FZD3: variants seen among roughly 807,000 people sequenced by gnomAD.
FZD3 encodes the protein frizzled-3.
A neutral mutation model predicts 60.7 loss-of-function variants in FZD3; 30 were observed. That is an observed-to-expected ratio of 0.49 (90% CI 0.37 to 0.67). FZD3 has a LOEUF of 0.67. Among genes scored for constraint, FZD3 ranks in the 30% least tolerant of loss-of-function variants. The pLI, the probability that FZD3 is intolerant of heterozygous loss-of-function variation, is 0.00. For synonymous variants in FZD3, 246 were observed against 275.2 expected, an observed-to-expected ratio of 0.89 and a Z score of 1.05; for missense variants, 605 against 838.7, an observed-to-expected ratio of 0.72 and a Z score of 3.44.
Position 28,557,241 on chromosome 8 carries a change from A to G in FZD3, c.1787+1270A>G, listed in dbSNP as rs116117119. On this transcript the variant is annotated intron_variant, in intron 7 of 7. Transcript: ENST00000240093. ...AAAAAAAAAAAGAAGAAGAAATGAT[A>G]GAGATTGGTAAGAAATTAATATTAG... is the stretch of plus-strand genomic sequence containing the variant. Among the ~76,000 whole-genome samples, 1,344 of 151,176 alleles carry G rather than the reference A, an allele frequency of 8.9e-3. 8 individuals are homozygous for G. The highest frequency in any genetic ancestry group is 0.019 in the African/African-American group (792 of 41,182).
At chr8:28,536,436 A>G (rs1352292310) in intron 5 of FZD3, among the ~76,000 whole-genome samples, 3 of 152,226 alleles carry the variant, frequency 2.0e-5, no homozygotes, top group Non-Finnish European at 4.4e-5. Context: ...GTCCGGGCGC[A>G]GTGGCTCATG....
chr8:28,530,921 T>G (rs963650144), intron 5 of FZD3, among the ~76,000 whole-genome samples: 7 of 152,344 alleles, frequency 4.6e-5, no homozygotes, highest in African/African-American at 1.7e-4. Flanking sequence ...AACTCTATTT[T>G]TTAAAATGTT....
chr8:28,512,524 A>C (rs1238430261), intron 3 of FZD3, among the ~76,000 whole-genome samples: 1 of 151,856 alleles, frequency 6.6e-6, no homozygotes. Flanking sequence ...TCTAGGGTAC[A>C]TGTGCATTTT....
intron 3 of FZD3, among the ~76,000 whole-genome samples, chr8:28,508,145 T>C (rs1300293401): frequency 6.6e-6 from 1 of 152,226 alleles, no homozygotes; most frequent in African/African-American, 2.4e-5. Flanking sequence ...TCCTCCTGCC[T>C]TGGCTTCCCA....
intron 5 of FZD3, among the ~76,000 whole-genome samples, chr8:28,531,209 CGCT>C (rs1804865988): frequency 3.8e-5 from 4 of 106,472 alleles, no homozygotes; most frequent in African/African-American, 1.2e-4. Flanking sequence ...TTTATACTGT[CGCT>C]GAGTGTTTAT....
intron 5 of FZD3, among the ~76,000 whole-genome samples, chr8:28,534,631 C>T (rs1804964240): frequency 6.6e-6 from 1 of 152,200 alleles, no homozygotes; most frequent in Admixed American, 6.5e-5. Context: ...TTCCCCACAT[C>T]CCCTGTCAAC....
chr8:28,527,931 T>C lies in FZD3; in HGVS notation c.1171T>C (p.Leu391=). 1 of 1,614,076 alleles carries C rather than the reference T, an allele frequency of 6.2e-7. No individual in the cohort carries two copies. Among genetic ancestry groups the C allele is most frequent in the Non-Finnish European group, 8.5e-7 (1 of 1,179,938 alleles). ...TGTGGTAGTTGGGGTTTCTCTCCTCTTAGCTGGCATTATATCCCTAAACAG... is the reference window on the plus strand; with the variant it reads ...TGTGGTAGTTGGGGTTTCTCTCCTCCTAGCTGGCATTATATCCCTAAACAG... ...LYVVVGVSLL[L]AGIISLNRVR... The change falls in exon 5 of 8, where the codon TTA becomes CTA. Residue 391 remains leucine, a synonymous_variant. Transcript: ENST00000240093. The surrounding 1 kb of genome is among the most constrained non-coding windows in gnomAD (Gnocchi z 5.0).
chr8:28,532,338 G>A (rs1804899387), intron 5 of FZD3, among the ~76,000 whole-genome samples: 1 of 152,122 alleles, frequency 6.6e-6, no homozygotes, highest in Admixed American at 6.5e-5. Flanking sequence ...GGGGAACATT[G>A]CCATTTTTGC....
At chr8:28,508,560 G>T (rs1344596265) in intron 3 of FZD3, among the ~76,000 whole-genome samples, 2 of 151,848 alleles carry the variant, frequency 1.3e-5, no homozygotes, top group Non-Finnish European at 2.9e-5. Flanking sequence ...TAGTGTAGTG[G>T]CACGATCACA....
chr8:28,513,686 T>G (rs1372989738), intron 3 of FZD3, among the ~76,000 whole-genome samples: 1 of 152,208 alleles, frequency 6.6e-6, no homozygotes, highest in Non-Finnish European at 1.5e-5. Context: ...TAATTTCTCA[T>G]TCTAAGGGAT....
chr8:28,530,514 C>G (rs1023359323), intron 5 of FZD3: 1 of 152,106 alleles, frequency 6.6e-6, no homozygotes, highest in Non-Finnish European at 1.5e-5. Flanking sequence ...GTGGCTACTA[C>G]ATAATAAGTG....
chr8:28,544,613 C>T (rs1430300461), intron 5 of FZD3, among the ~76,000 whole-genome samples: 1 of 152,058 alleles, frequency 6.6e-6, no homozygotes, highest in Non-Finnish European at 1.5e-5. Context: ...AATGTTTTGT[C>T]AATTTTGATT....
intron 1 of FZD3, among the ~76,000 whole-genome samples, chr8:28,495,601 G>A (rs953640615): frequency 6.6e-6 from 1 of 152,258 alleles, no homozygotes; most frequent in East Asian, 1.9e-4. Context: ...TCTGGAAAAA[G>A]AATAGAAGTC....
At chr8:28,533,322 C>G (rs931115978) in intron 5 of FZD3, among the ~76,000 whole-genome samples, 2 of 152,070 alleles carry the variant, frequency 1.3e-5, no homozygotes, top group Non-Finnish European at 2.9e-5. Context: ...CAGGCCTGAG[C>G]CACTGCTCCC....
At chr8:28,546,703 C>T (rs909959671) in intron 5 of FZD3, among the ~76,000 whole-genome samples, 1 of 152,090 alleles carries the variant, frequency 6.6e-6, no homozygotes, top group African/African-American at 2.4e-5. Context: ...AGGCTGGGCG[C>T]AGTGGCTCAC....
In FZD3 at chr8:28,568,195, A is replaced by G. The variant is rs554713385; in HGVS notation, c.*5184A>G. Reference sequence around the variant, plus strand: ...ACAAAGGAACTTGTGATTCTTTTCAATGCTTTTGTGTCGTTTTACAGCTGA... The same window carrying G: ...ACAAAGGAACTTGTGATTCTTTTCAGTGCTTTTGTGTCGTTTTACAGCTGA... On this transcript the variant is annotated 3_prime_UTR_variant, in exon 8 of 8. Coordinates refer to ENST00000240093, the MANE Select transcript of FZD3 (RefSeq NM_017412.4). 6.6e-6 allele frequency: 1 copy of G among 152,292 alleles called. No homozygotes were observed. Among genetic ancestry groups the G allele is most frequent in the Admixed American group, 6.5e-5 (1 of 15,308 alleles). The allele number at this position is 152,292 out of a possible 1,614,324, so 9.4% of individuals were successfully genotyped here.
At chr8:28,495,997 A>C (rs551514429) in intron 1 of FZD3, among the ~76,000 whole-genome samples, 1 of 152,314 alleles carries the variant, frequency 6.6e-6, no homozygotes, top group East Asian at 1.9e-4. Context: ...CCCATTTATA[A>C]AAGGAGAAGG....
At chr8:28,542,149 C>A (rs1191795288) in intron 5 of FZD3, among the ~76,000 whole-genome samples, 1 of 146,426 alleles carries the variant, frequency 6.8e-6, no homozygotes, top group African/African-American at 2.5e-5. Context: ...TGGACCCCTA[C>A]CTCCTTCTTT....
chr8:28,569,181 G>GT lies in FZD3; in HGVS notation c.*6170_*6171insT, dbSNP rs1255959877. ...GATATTTCTTTGTGTTGTGCTTATTGGTTTTTTTTTTTAACTTAGAGCTTA... is the reference window on the plus strand; with the variant it reads ...GATATTTCTTTGTGTTGTGCTTATTGTGTTTTTTTTTTTAACTTAGAGCTTA... On this transcript the variant is annotated 3_prime_UTR_variant, in exon 8 of 8. Coordinates refer to ENST00000240093, the MANE Select transcript of FZD3 (RefSeq NM_017412.4). 4.9e-5 allele frequency: 5 copies of GT among 102,590 alleles called. No homozygotes were observed. Among genetic ancestry groups the GT allele is most frequent in the Admixed American group, 1.0e-4 (1 of 9,714 alleles). 6.4% of individuals were successfully genotyped at this position (102,590 alleles called of 1,614,324 possible).
Sources: gnomAD v4.1 joint callset for allele counts (sites outside exome capture counted in the v4.1 genomes callset) on GRCh38, gnomAD v4.1.1 for gene constraint, Gnocchi (gnomAD v3.1) non-coding constraint, MANE v1.5 for transcripts, NCBI Gene and HGNC (gene_info 2026-07-23, HGNC 2026-07-21) for gene names.